The following RIC1 variants were observed in gnomAD, a reference collection of about 807,000 sequenced individuals.
The protein encoded by RIC1 is guanine nucleotide exchange factor subunit RIC1.
Under a neutral mutation model 169.0 loss-of-function variants are expected in RIC1, and 88 were observed. That is an observed-to-expected ratio of 0.52 (90% CI 0.44 to 0.62). The LOEUF (loss-of-function observed/expected upper bound fraction) is 0.62, where lower values mean the gene tolerates loss of function less well. RIC1 is among the 20% of genes least tolerant of loss of function. The pLI is 0.00. For synonymous variants in RIC1, 790 were observed against 601.5 expected, an observed-to-expected ratio of 1.31 and a Z score of -4.59; for missense variants, 1,877 against 1,725.5, an observed-to-expected ratio of 1.09 and a Z score of -1.56.
intron 2 of RIC1, among the ~76,000 whole-genome samples, chr9:5,666,799 T>C (rs1819794486): frequency 7.5e-6 from 1 of 132,836 alleles, no homozygotes; most frequent in Non-Finnish European, 1.7e-5. Context: ...TATATTGATT[T>C]ATATTGATTA....
chr9:5,691,247 TAAAAC>T (rs531219679), intron 3 of RIC1, among the ~76,000 whole-genome samples: 282 of 152,054 alleles, frequency 1.9e-3, no homozygotes, highest in African/African-American at 6.5e-3. Context: ...CATGACTGTA[TAAAAC>T]AAAACAACGC....
At chr9:5,696,038 C>G (rs759114861) in intron 3 of RIC1, among the ~76,000 whole-genome samples, 1 of 152,166 alleles carries the variant, frequency 6.6e-6, no homozygotes, top group East Asian at 1.9e-4. Flanking sequence ...TGGATTGTTT[C>G]TTCACTTTAC....
intron 6 of RIC1, among the ~76,000 whole-genome samples, chr9:5,724,542 A>G (rs1419549895): frequency 1.3e-5 from 2 of 152,080 alleles, no homozygotes; most frequent in African/African-American, 2.4e-5. Context: ...CTAATTGAAT[A>G]CCCTTTATTT....
At chr9:5,769,762 A>G in intron 22 of RIC1, 2 of 259,654 alleles carry the variant, frequency 7.7e-6, no homozygotes, top group Non-Finnish European at 1.4e-5. Flanking sequence ...ATTGAAACCA[A>G]AACTTTTAAC....
chr9:5,671,755 A>G (rs943540985), intron 2 of RIC1, among the ~76,000 whole-genome samples: 1 of 152,218 alleles, frequency 6.6e-6, no homozygotes, highest in Non-Finnish European at 1.5e-5. Flanking sequence ...GAGTATAAAC[A>G]TGAGCCTAAA....
chr9:5,703,421 C>A (rs1037001790), intron 3 of RIC1, among the ~76,000 whole-genome samples: 3 of 152,154 alleles, frequency 2.0e-5, no homozygotes, highest in African/African-American at 7.2e-5. Context: ...TTACCTAGTT[C>A]CAGAACTTTT....
intron 2 of RIC1, among the ~76,000 whole-genome samples, chr9:5,663,042 T>G (rs1385554363): frequency 6.6e-6 from 1 of 152,224 alleles, no homozygotes; most frequent in African/African-American, 2.4e-5. Flanking sequence ...TTTGTTCTCA[T>G]TAGTTTCAAA....
rs1827483582 is a variant in RIC1 at position 5,774,713 on chromosome 9, A to T, written c.*467A>T. The T allele has an allele frequency of 6.5e-6, 1 of 154,218 alleles. No individual in the cohort carries two copies. The highest frequency in any genetic ancestry group is 2.0e-4 in the South Asian group (1 of 4,938). The allele number at this position is 154,218 out of a possible 1,614,324, so 9.6% of individuals were successfully genotyped here. ...CCCTTGGATACAGCTGGACTCTTTA[A>T]TCAGTCCTCCTGAATAGATTGCTAC... is the stretch of plus-strand genomic sequence containing the variant. On this transcript the variant is annotated 3_prime_UTR_variant, in exon 26 of 26. Transcript: ENST00000414202.
chr9:5,706,377 G>A (rs987574906), intron 3 of RIC1, among the ~76,000 whole-genome samples: 1 of 152,172 alleles, frequency 6.6e-6, no homozygotes, highest in African/African-American at 2.4e-5. Flanking sequence ...GCTTGAACCA[G>A]GGAGTCGGAG....
At chr9:5,769,763 AACTT>A in intron 22 of RIC1, 1 of 259,528 alleles carries the variant, frequency 3.9e-6, no homozygotes, top group South Asian at 1.1e-4. Flanking sequence ...TTGAAACCAA[AACTT>A]TTAACTTTGG....
chr9:5,734,579 G>A (rs1037654097), intron 7 of RIC1, among the ~76,000 whole-genome samples: 3 of 147,020 alleles, frequency 2.0e-5, no homozygotes, highest in Admixed American at 7.0e-5. Flanking sequence ...TGCATACAAA[G>A]TAGTACATAA....
At chr9:5,753,764 C>A in intron 14 of RIC1, 118 bp downstream of exon 14, 3 of 475,380 alleles carry the variant, frequency 6.3e-6, no homozygotes, top group Admixed American at 7.4e-5. Context: ...TAAGGAAAAT[C>A]AGATATAAAA....
At chr9:5,688,930 A>G (rs1821422051) in intron 2 of RIC1, among the ~76,000 whole-genome samples, 1 of 152,138 alleles carries the variant, frequency 6.6e-6, no homozygotes, top group Non-Finnish European at 1.5e-5. Flanking sequence ...AGCTAAATAT[A>G]ATATTTTGTA....
At chr9:5,639,805 A>G (rs1818148528) in intron 1 of RIC1, among the ~76,000 whole-genome samples, 1 of 152,120 alleles carries the variant, frequency 6.6e-6, no homozygotes, top group Admixed American at 6.5e-5. Flanking sequence ...CTATTGCTGG[A>G]TTGACTCTTT....
chr9:5,712,173 C>G (rs183056723), intron 3 of RIC1, among the ~76,000 whole-genome samples: 3 of 152,290 alleles, frequency 2.0e-5, no homozygotes, highest in African/African-American at 7.2e-5. Context: ...AATAGTTGAA[C>G]TAGTTTGCAG....
intron 2 of RIC1, among the ~76,000 whole-genome samples, chr9:5,684,515 A>T (rs570281700): frequency 6.6e-6 from 1 of 152,008 alleles, no homozygotes; most frequent in Admixed American, 6.5e-5. Flanking sequence ...CACAACTTTA[A>T]TGTTACTGAT....
In RIC1 at chr9:5,763,862, C is replaced by A; in HGVS notation, c.2835C>A (p.Ile945=). ...ACACAGCTGCCTCTTACCTTATTAT[C>A]TTACAGGTAACAATTCTCTTCTTAT... ...DLDTAASYLI[I]LQNMEVPAVS... is the part of the protein sequence containing the mutation. Residue 945 remains isoleucine (I), a synonymous_variant, in exon 19 of 26, where the codon ATC becomes ATA. Coordinates refer to ENST00000414202, the MANE Select transcript of RIC1 (RefSeq NM_020829.4). This position sits in a 1 kb window ranked among gnomAD's most constrained non-coding sequence, Gnocchi z 5.2. 1 of 1,606,786 alleles carries A rather than the reference C, an allele frequency of 6.2e-7. No individual in the cohort carries two copies. Among genetic ancestry groups the A allele is most frequent in the Non-Finnish European group, 8.5e-7 (1 of 1,175,112 alleles).
intron 8 of RIC1, among the ~76,000 whole-genome samples, chr9:5,739,124 C>T (rs1358838978): frequency 6.6e-6 from 1 of 152,104 alleles, no homozygotes; most frequent in Non-Finnish European, 1.5e-5. Context: ...GGTATATCTT[C>T]TGGACCCTCC....
chr9:5,724,062 G>T (rs1011841989), intron 6 of RIC1, among the ~76,000 whole-genome samples: 1 of 152,098 alleles, frequency 6.6e-6, no homozygotes, highest in South Asian at 2.1e-4. Flanking sequence ...GGTTCCATAT[G>T]AACTTTAAAG....
Sources: gnomAD v4.1 joint callset for allele counts (sites outside exome capture counted in the v4.1 genomes callset) on GRCh38, gnomAD v4.1.1 for gene constraint, Gnocchi (gnomAD v3.1) non-coding constraint, MANE v1.5 for transcripts, NCBI Gene and HGNC (gene_info 2026-07-23, HGNC 2026-07-21) for gene names.